The following STPG2 variants were observed in gnomAD, a reference collection of about 807,000 sequenced individuals.
STPG2 encodes the protein sperm tail PG-rich repeat containing 2.
STPG2 carries 56 observed loss-of-function variants against 54.2 expected under a neutral mutation model. The ratio of observed to expected loss-of-function variants is 1.03; its 90% CI spans 0.83 to 1.29. STPG2 has a LOEUF of 1.29. STPG2 is among the 50% of genes most tolerant of loss of function. The pLI is 0.00. For synonymous variants in STPG2, 200 were observed against 181.8 expected (o/e 1.10, Z -0.81); for missense variants, 596 against 544.9 (o/e 1.09, Z -0.93).
At chr4:97,568,136 C>G (rs1560665336) in intron 10 of STPG2, among the ~76,000 whole-genome samples, 1 of 151,962 alleles carries the variant, frequency 6.6e-6, no homozygotes, top group Non-Finnish European at 1.5e-5. Flanking sequence ...AAAACATAAA[C>G]AAAACTAATG....
chr4:97,607,730 C>T (rs919862301), intron 10 of STPG2, among the ~76,000 whole-genome samples: 1 of 151,970 alleles, frequency 6.6e-6, no homozygotes, highest in Non-Finnish European at 1.5e-5. Flanking sequence ...AGATGGAAAA[C>T]CGTAATAGAA....
intron 9 of STPG2, among the ~76,000 whole-genome samples, chr4:97,824,894 G>C (rs1728205745): frequency 6.6e-6 from 1 of 152,058 alleles, no homozygotes; most frequent in African/African-American, 2.4e-5. Context: ...TTTACCATTT[G>C]TTAATTTTCT....
chr4:97,711,367 G>C (rs914519571), intron 10 of STPG2, among the ~76,000 whole-genome samples: 7 of 152,094 alleles, frequency 4.6e-5, no homozygotes, highest in African/African-American at 1.4e-4. Context: ...GTCCTAATCA[G>C]TTCCCCACTT....
chr4:97,926,235 C>A (rs145246449), intron 8 of STPG2, among the ~76,000 whole-genome samples: 237 of 152,246 alleles, frequency 1.6e-3, no homozygotes, highest in African/African-American at 5.6e-3. Flanking sequence ...GATTTCTAGA[C>A]CCAAGTCTGT....
intron 8 of STPG2, among the ~76,000 whole-genome samples, chr4:97,846,753 C>T (rs1728967123): frequency 6.6e-6 from 1 of 151,706 alleles, no homozygotes; most frequent in Non-Finnish European, 1.5e-5. Flanking sequence ...CGAAAATATG[C>T]AGTAGGTCTA....
chr4:97,897,183 T>G (rs1425673912), intron 8 of STPG2, among the ~76,000 whole-genome samples: 1 of 152,072 alleles, frequency 6.6e-6, no homozygotes, highest in Non-Finnish European at 1.5e-5. Flanking sequence ...CCTGCAATAG[T>G]TTGCTAAGAA....
chr4:97,864,952 T>C (rs1272745604), intron 8 of STPG2, among the ~76,000 whole-genome samples: 1 of 152,136 alleles, frequency 6.6e-6, no homozygotes, highest in Non-Finnish European at 1.5e-5. Flanking sequence ...CAAGATGGAT[T>C]AAAGACTTAA....
intron 3 of STPG2, among the ~76,000 whole-genome samples, chr4:98,125,267 A>C (rs1021985991): frequency 6.6e-6 from 1 of 152,074 alleles, no homozygotes; most frequent in South Asian, 2.1e-4. Context: ...TGGCTTTTTG[A>C]GTTTTCAGCA....
intron 1 of STPG2, among the ~76,000 whole-genome samples, chr4:98,141,164 C>T (rs1740271219): frequency 6.6e-6 from 1 of 152,122 alleles, no homozygotes; most frequent in East Asian, 1.9e-4. Context: ...TATATAGTGG[C>T]TTACTTTCCA....
intron 10 of STPG2, among the ~76,000 whole-genome samples, chr4:97,603,846 T>C (rs879348142): frequency 3.3e-5 from 5 of 151,582 alleles, no homozygotes; most frequent in Non-Finnish European, 5.9e-5. Context: ...GGAGAGATGG[T>C]GAGTTGCTTA....
chr4:97,702,970 T>C (rs1395463305), intron 10 of STPG2, among the ~76,000 whole-genome samples: 1 of 152,158 alleles, frequency 6.6e-6, no homozygotes, highest in Non-Finnish European at 1.5e-5. Flanking sequence ...TGAGGCTCAG[T>C]ATCTGCTTCT....
At chr4:97,991,574 A>G (rs1266711950) in intron 5 of STPG2, among the ~76,000 whole-genome samples, 1 of 151,722 alleles carries the variant, frequency 6.6e-6, no homozygotes, top group East Asian at 1.9e-4. Context: ...TGTGTGTGCA[A>G]GTATCTTTTT....
chr4:97,522,123 G>A (rs1302768645), intron 4 of STPG2, among the ~76,000 whole-genome samples: 1 of 151,938 alleles, frequency 6.6e-6, no homozygotes, highest in East Asian at 1.9e-4. Flanking sequence ...TGGGAGTGCG[G>A]AAAAGATAGT....
Position 98,143,093 on chromosome 4 carries a change from G to A in STPG2, c.58C>T (p.His20Tyr), listed in dbSNP as rs1186874430. ...ACCTGGTAGGATCCAGGACCCACATGGGCCTCAGTGCTGCCACCTTCAGCC... is the reference window on the plus strand; with the variant it reads ...ACCTGGTAGGATCCAGGACCCACATAGGCCTCAGTGCTGCCACCTTCAGCC... Reference protein sequence around the residue: ...KLAEGGSTEAHVGPGSYQVPF... With the variant: ...KLAEGGSTEAYVGPGSYQVPF... The change falls in exon 1 of 11, where the codon CAT (histidine) becomes TAT (tyrosine). Residue 20 changes from histidine (H) to tyrosine (Y), a missense_variant. Coordinates refer to ENST00000295268, the MANE Select transcript of STPG2 (RefSeq NM_174952.3). 6.2e-7 allele frequency: 1 copy of A among 1,613,982 alleles called. No homozygotes were observed. Among genetic ancestry groups the A allele is most frequent in the Non-Finnish European group, 8.5e-7 (1 of 1,179,958 alleles).
At chr4:97,684,209 T>G (rs1204470725) in intron 10 of STPG2, among the ~76,000 whole-genome samples, 2 of 151,892 alleles carry the variant, frequency 1.3e-5, no homozygotes, top group Non-Finnish European at 2.9e-5. Flanking sequence ...CCAGTCAAAA[T>G]CTCAGAAAGT....
At position 97,943,888 on chromosome 4, in the gene STPG2, T is replaced by C. The variant is rs776809314; in HGVS notation, c.1044+9A>G. On this transcript the variant is annotated intron_variant, in intron 8 of 10. Transcript: ENST00000295268. The stretch of plus-strand genomic sequence containing the variant: ...TAATGAAAATATTTGATTGTAGGAG[T>C]ATTCTTACCATATCTGGTACTTTCA... 6.6e-7 allele frequency: 1 copy of C among 1,517,038 alleles called. No individual in the cohort carries two copies. The highest frequency in any genetic ancestry group is 8.8e-7 in the Non-Finnish European group (1 of 1,130,968). The allele number at this position is 1,517,038 out of a possible 1,614,324, so 94.0% of individuals were successfully genotyped here.
At chr4:97,968,840 C>CAATG (rs1329220343) in intron 7 of STPG2, among the ~76,000 whole-genome samples, 2 of 152,156 alleles carry the variant, frequency 1.3e-5, no homozygotes, top group Non-Finnish European at 1.5e-5. Flanking sequence ...TGTGTAAAGA[C>CAATG]AATGCCAGGC....
intron 4 of STPG2, among the ~76,000 whole-genome samples, chr4:97,497,521 C>A (rs1054211637): frequency 2.0e-5 from 3 of 151,816 alleles, no homozygotes; most frequent in African/African-American, 7.2e-5. Context: ...GAAAGTTATA[C>A]TTCTGTTATT....
In STPG2 at chr4:97,500,933, G is replaced by A. The variant is rs546019848; in HGVS notation, c.462+211766C>T. 2.0e-5 allele frequency among the ~76,000 whole-genome samples: 3 copies of A among 152,108 alleles called. No individual in the cohort carries two copies. The South Asian group carries it at 6.2e-4, about 32-fold the overall frequency. On this transcript the variant is annotated intron_variant, in intron 4 of 4. Coordinates refer to the STPG2 transcript ENST00000522676. ...GAAGTTTGCAGTAAATGGAGACAGG[G>A]GTATGTAGCAATGACTGGAGAGAAA...
Sources: allele counts gnomAD v4.1 joint callset (sites outside exome capture counted in the v4.1 genomes callset), GRCh38; gene constraint gnomAD v4.1.1; transcripts MANE v1.5; gene names NCBI Gene and HGNC (gene_info 2026-07-23, HGNC 2026-07-21).